CHD2: variants seen among roughly 807,000 people sequenced by gnomAD.
The protein encoded by CHD2 is ATP-dependent chromatin remodeler CHD2.
In CHD2, 28 loss-of-function variants were observed where a neutral mutation model predicts 243.9. The ratio of observed to expected loss-of-function variants is 0.11; its 90% CI spans 0.09 to 0.16. The LOEUF (loss-of-function observed/expected upper bound fraction) is 0.16, where lower values mean the gene tolerates loss of function less well. Ranked by LOEUF, CHD2 falls within the 10% of genes least tolerant of loss-of-function variation. The pLI is 1.00. For missense variants in CHD2, 1,386 were observed against 2,209.8 expected, an observed-to-expected ratio of 0.63 and a Z score of 7.47; for synonymous variants, 775 against 779.0, an observed-to-expected ratio of 0.99 and a Z score of 0.09.
At chr15:92,980,209 T>C (rs2053960864) in intron 22 of CHD2, among the ~76,000 whole-genome samples, 1 of 127,606 alleles carries the variant, frequency 7.8e-6, no homozygotes, top group Non-Finnish European at 1.6e-5. Context: ...CACACCTAGC[T>C]AATTTTTTTT....
intron 2 of CHD2, among the ~76,000 whole-genome samples, chr15:92,919,810 C>G (rs1405148582): frequency 6.6e-6 from 1 of 152,194 alleles, no homozygotes; most frequent in African/African-American, 2.4e-5. Flanking sequence ...AGACAATTAA[C>G]TAGTTTAGAC....
At chr15:93,009,465 C>T (rs1450913137) in intron 35 of CHD2, 142 bp downstream of exon 35, 6 of 724,970 alleles carry the variant, frequency 8.3e-6, no homozygotes, top group African/African-American at 3.6e-5. Flanking sequence ...TACCTGCAGG[C>T]TTTAACTCCC....
At position 92,942,988 on chromosome 15, in the gene CHD2, A is replaced by T; in HGVS notation, c.972A>T (p.Glu324Asp). The change falls in exon 9 of 39, where the codon GAA becomes GAT. Residue 324 changes from glutamate (E) to aspartate (D), a missense_variant. Transcript: ENST00000394196. Reference protein sequence around the residue: ...WSYIHSTWESEESLQQQKVKG... With the variant: ...WSYIHSTWESDESLQQQKVKG... ...ACATCCACAGCACATGGGAGAGTGA[A>T]GAATCCTTACAGCAACAGAAAGTGA... 1 of 1,614,138 alleles carries T rather than the reference A, an allele frequency of 6.2e-7. No individual in the cohort carries two copies. Among genetic ancestry groups the T allele is most frequent in the Non-Finnish European group, 8.5e-7 (1 of 1,179,982 alleles).
chr15:92,960,794 A>C (rs1035989198), intron 16 of CHD2, among the ~76,000 whole-genome samples: 3 of 143,648 alleles, frequency 2.1e-5, no homozygotes, highest in African/African-American at 7.8e-5. Flanking sequence ...GGCTCACTGC[A>C]ACCTCCACCT....
At chr15:92,981,543 G>C (rs1056185373) in intron 24 of CHD2, 86 bp downstream of exon 24, 1 of 1,021,490 alleles carries the variant, frequency 9.8e-7, no homozygotes, top group Non-Finnish European at 1.5e-6. Context: ...TGTGCTAGGC[G>C]CTCTGCTTTT....
At chr15:92,993,264 G>A (rs568267758) in intron 28 of CHD2, 13 of 347,032 alleles carry the variant, frequency 3.7e-5, no homozygotes, top group South Asian at 2.0e-4. Context: ...TAAATTCGTC[G>A]GAGTGATGTA....
chr15:92,936,268 G>T (rs1000186431), intron 5 of CHD2, among the ~76,000 whole-genome samples: 4 of 152,162 alleles, frequency 2.6e-5, no homozygotes, highest in Admixed American at 6.5e-5. Flanking sequence ...CTCCCATGAA[G>T]AATATTGATT....
intron 5 of CHD2, among the ~76,000 whole-genome samples, chr15:92,933,885 C>A (rs1239983353): frequency 6.6e-6 from 1 of 152,222 alleles, no homozygotes; most frequent in Non-Finnish European, 1.5e-5. Flanking sequence ...GGATTACAGG[C>A]ATGAGCCACT....
At chr15:92,922,575 T>G (rs976327600) in intron 2 of CHD2, among the ~76,000 whole-genome samples, 2 of 152,194 alleles carry the variant, frequency 1.3e-5, no homozygotes, top group Non-Finnish European at 2.9e-5. Flanking sequence ...CTCTAGAAGA[T>G]GCAGTGATGG....
intron 13 of CHD2, 44 bp downstream of exon 13, chr15:92,949,120 C>G (rs754753528): frequency 6.3e-7 from 1 of 1,590,848 alleles, no homozygotes; most frequent in East Asian, 2.2e-5. Flanking sequence ...CTGTTTCTGG[C>G]TTCTTTATTG....
intron 2 of CHD2, among the ~76,000 whole-genome samples, chr15:92,918,155 G>T (rs1401825062): frequency 6.6e-6 from 1 of 152,202 alleles, no homozygotes; most frequent in Non-Finnish European, 1.5e-5. Flanking sequence ...ATTAAAAATG[G>T]AACAGTAAGT....
chr15:92,983,039 T>G (rs1368854984), intron 24 of CHD2, among the ~76,000 whole-genome samples: 2 of 152,114 alleles, frequency 1.3e-5, no homozygotes, highest in Non-Finnish European at 2.9e-5. Context: ...TTTCTTATCT[T>G]CCCATGGTAG....
At chr15:92,932,542 T>C (rs950352694) in intron 5 of CHD2, among the ~76,000 whole-genome samples, 5 of 148,076 alleles carry the variant, frequency 3.4e-5, no homozygotes, top group African/African-American at 7.5e-5. Context: ...GAACGTGCGG[T>C]GTTTGGTTTT....
intron 25 of CHD2, among the ~76,000 whole-genome samples, chr15:92,985,288 A>G (rs1336159180): frequency 6.6e-6 from 1 of 152,202 alleles, no homozygotes; most frequent in Non-Finnish European, 1.5e-5. Context: ...CAGTTCACTT[A>G]TCGTTATATT....
At chr15:92,930,713 T>G (rs2053151506) in intron 5 of CHD2, among the ~76,000 whole-genome samples, 1 of 152,206 alleles carries the variant, frequency 6.6e-6, no homozygotes. Context: ...TGTGAGCCAC[T>G]GTGCCCCGCC....
chr15:92,941,848 C>G lies in CHD2; in HGVS notation c.719C>G (p.Thr240Ser). 6.2e-7 allele frequency: 1 copy of G among 1,613,164 alleles called. No homozygotes were observed. The highest frequency in any genetic ancestry group is 2.2e-5 in the East Asian group (1 of 44,758). Residue 240 changes from threonine (T) to serine (S), a missense_variant, in exon 8 of 39, where the codon ACT becomes AGT. Thr to Ser is a moderately conservative substitution (Grantham distance 58, BLOSUM62 1). Around this residue, in one of 19 missense-constraint regions of CHD2, gnomAD observed 200 missense variants for 292.5 expected, o/e 0.68. Transcript: ENST00000394196. ...TACAAAGAAGATGATGACTTTGAGA[C>G]TGACTCAGATGATCTCATTGAAATG... ...VSYKEDDDFE[T>S]DSDDLIEMTG...
At chr15:92,932,821 A>C (rs1285624533) in intron 5 of CHD2, among the ~76,000 whole-genome samples, 2 of 62,650 alleles carry the variant, frequency 3.2e-5, no homozygotes, top group East Asian at 2.2e-3. Context: ...ACGATGGCGC[A>C]ATCTCAGCTC....
rs144633630 is a variant in CHD2, at chr15:92,976,186, C to G, written c.2577+1236C>G. ...TCGAATGTTTCATATTGCCCTGTCT[C>G]AGGGGAAAAAAAAAATTGCTTTTTG... On this transcript the variant is annotated intron_variant, in intron 20 of 38. Coordinates refer to ENST00000394196, the MANE Select transcript of CHD2 (RefSeq NM_001271.4). 6.0e-3 allele frequency among the ~76,000 whole-genome samples: 917 copies of G among 151,874 alleles called. 9 individuals carry two copies. The highest frequency in any genetic ancestry group is 0.02 in the African/African-American group (841 of 41,500).
At chr15:92,956,674 A>G (rs1401131369) in intron 16 of CHD2, 25 bp downstream of exon 16, 7 of 1,585,340 alleles carry the variant, frequency 4.4e-6, no homozygotes, top group Non-Finnish European at 6.0e-6. Context: ...GTGTATTTCA[A>G]AAGATGCTAG....
Sources: allele counts gnomAD v4.1 joint callset (sites outside exome capture counted in the v4.1 genomes callset), GRCh38; gene constraint gnomAD v4.1.1; regional missense constraint gnomAD v4.1.1; transcripts MANE v1.5; gene names NCBI Gene and HGNC (gene_info 2026-07-23, HGNC 2026-07-21).